FLI1: variants seen among roughly 807,000 people sequenced by gnomAD.
The protein encoded by FLI1 is Friend leukemia integration 1 transcription factor.
FLI1 carries 13 observed loss-of-function variants against 53.1 expected under a neutral mutation model. The ratio of observed to expected loss-of-function variants is 0.24; its 90% CI spans 0.16 to 0.39. The LOEUF is 0.39. Ranked by LOEUF, FLI1 falls within the 10% of genes least tolerant of loss-of-function variation. FLI1 has a pLI of 1.00. For synonymous variants in FLI1, 244 were observed against 236.7 expected, an observed-to-expected ratio of 1.03 and a Z score of -0.28; for missense variants, 424 against 600.5, an observed-to-expected ratio of 0.71 and a Z score of 3.07.
chr11:128,794,669 A>G (rs941058819), intron 5 of FLI1, among the ~76,000 whole-genome samples: 1 of 152,262 alleles, frequency 6.6e-6, no homozygotes, highest in Non-Finnish European at 1.5e-5. Context: ...TTCTCATGAA[A>G]TATCCTTGTT....
chr11:128,750,867 A>T (rs12270781), intron 1 of FLI1, among the ~76,000 whole-genome samples: 4,031 of 152,360 alleles, frequency 0.026, 176 homozygotes, highest in African/African-American at 0.092. Flanking sequence ...AAATTCGTGA[A>T]TGCACAGATG....
chr11:128,813,166 A>G lies in FLI1; in HGVS notation c.*2178A>G, dbSNP rs893357480. 6.3e-6 allele frequency: 1 copy of G among 158,962 alleles called. No homozygotes were observed. Among genetic ancestry groups the G allele is most frequent in the Non-Finnish European group, 1.4e-5 (1 of 72,068 alleles). 9.8% of individuals were successfully genotyped at this position (158,962 alleles called of 1,614,324 possible). On this transcript the variant is annotated 3_prime_UTR_variant, in exon 9 of 9. Coordinates refer to ENST00000527786, the MANE Select transcript of FLI1 (RefSeq NM_002017.5). ...TCAACATATGCACATTGATTTATAA[A>G]TCATATATACAAACTGTTACATTAT...
rs545102707 is a variant in FLI1 at position 128,768,560 on chromosome 11, A to G, written c.385+288A>G. Reference sequence around the variant, plus strand: ...AAAAATTAGCCAGGTGTGGTAGTGGACGCTTATATTCCCAGCTACTCAGGG... The same window carrying G: ...AAAAATTAGCCAGGTGTGGTAGTGGGCGCTTATATTCCCAGCTACTCAGGG... On this transcript the variant is annotated intron_variant, in intron 3 of 8. Coordinates refer to ENST00000527786, the MANE Select transcript of FLI1 (RefSeq NM_002017.5). 1.0e-4 allele frequency: 41 copies of G among 392,716 alleles called. No individual in the cohort carries two copies. The East Asian group carries it at 2.0e-3, about 19-fold the overall frequency. The allele number at this position is 392,716 out of a possible 1,614,324, so 24.3% of individuals were successfully genotyped here.
chr11:128,725,047 C>G (rs765062730), intron 1 of FLI1, among the ~76,000 whole-genome samples: 1 of 152,168 alleles, frequency 6.6e-6, no homozygotes, highest in Non-Finnish European at 1.5e-5. Flanking sequence ...GGCTGAGACT[C>G]TAGGTGTTCT....
intron 1 of FLI1, among the ~76,000 whole-genome samples, chr11:128,743,126 G>A (rs1940208343): frequency 6.6e-6 from 1 of 152,130 alleles, no homozygotes; most frequent in South Asian, 2.1e-4. Context: ...GGTGGCTCAT[G>A]CCCGTAATCC....
At chr11:128,727,621 G>C (rs1939536133) in intron 1 of FLI1, among the ~76,000 whole-genome samples, 1 of 152,252 alleles carries the variant, frequency 6.6e-6, no homozygotes, top group South Asian at 2.1e-4. Flanking sequence ...AGTCCCATCT[G>C]ATTGAGAAGG....
chr11:128,809,311 T>C (rs1008479323), intron 8 of FLI1, 107 bp downstream of exon 8: 1 of 915,652 alleles, frequency 1.1e-6, no homozygotes, highest in Non-Finnish European at 1.8e-6. Context: ...GGGAGTAACA[T>C]GCACGTCTTT....
upstream of FLI1, among the ~76,000 whole-genome samples, chr11:128,689,839 C>T (rs913616530): frequency 2.1e-4 from 32 of 152,178 alleles, no homozygotes; most frequent in Middle Eastern, 3.2e-3. Flanking sequence ...CGGAGACCCT[C>T]CTCCTCCCCA....
intron 5 of FLI1, among the ~76,000 whole-genome samples, chr11:128,789,862 A>G (rs1056942353): frequency 2.6e-5 from 4 of 152,344 alleles, no homozygotes; most frequent in Admixed American, 6.5e-5. Context: ...AGTAAATAAC[A>G]TCTCTCATGC....
intron 1 of FLI1, among the ~76,000 whole-genome samples, chr11:128,749,661 G>A (rs1940558000): frequency 6.6e-6 from 1 of 152,222 alleles, no homozygotes; most frequent in Non-Finnish European, 1.5e-5. Context: ...GCAAAGATAA[G>A]AAATATTCTG....
intron 4 of FLI1, 63 bp from the exon 5 acceptor site, chr11:128,781,895 A>G (rs1941926336): frequency 8.5e-6 from 11 of 1,293,170 alleles, no homozygotes; most frequent in Non-Finnish European, 1.2e-5. Context: ...TCCTCATGTC[A>G]TCTCCTACTC....
intron 6 of FLI1, 140 bp downstream of exon 6, chr11:128,805,571 T>C (rs1942760499): frequency 4.9e-6 from 3 of 608,852 alleles, no homozygotes; most frequent in African/African-American, 3.7e-5. Flanking sequence ...TTTGCCAATT[T>C]AGGGCCTTTC....
At chr11:128,731,052 G>A (rs187002682) in intron 1 of FLI1, among the ~76,000 whole-genome samples, 3 of 152,230 alleles carry the variant, frequency 2.0e-5, no homozygotes, top group East Asian at 1.9e-4. Context: ...TCCTCTCCCC[G>A]TGAAAGAAGT....
At chr11:128,752,956 G>A (rs778299748) in intron 1 of FLI1, among the ~76,000 whole-genome samples, 1 of 152,194 alleles carries the variant, frequency 6.6e-6, no homozygotes, top group Non-Finnish European at 1.5e-5. Context: ...AGGGGGTCGT[G>A]GAAAGCAAGC....
At chr11:128,753,440 C>G (rs74328394) in intron 1 of FLI1, among the ~76,000 whole-genome samples, 11,501 of 152,232 alleles carry the variant, frequency 0.076, 712 homozygotes, top group East Asian at 0.28. Flanking sequence ...TCATGAGAAA[C>G]GGAAGGAATG....
intron 2 of FLI1, among the ~76,000 whole-genome samples, chr11:128,761,685 C>G (rs1420569374): frequency 6.6e-6 from 1 of 152,178 alleles, no homozygotes; most frequent in Non-Finnish European, 1.5e-5. Flanking sequence ...TCAAGCACTT[C>G]AGGATACTGA....
intron 1 of FLI1, chr11:128,695,838 G>GT (rs1215492026): frequency 2.6e-5 from 4 of 152,180 alleles, no homozygotes; most frequent in African/African-American, 4.8e-5. Flanking sequence ...AAGTGTCTCT[G>GT]TATTTCTGGG....
intron 5 of FLI1, among the ~76,000 whole-genome samples, chr11:128,800,396 G>T (rs183873821): frequency 1.3e-5 from 2 of 152,170 alleles, no homozygotes; most frequent in African/African-American, 2.4e-5. Flanking sequence ...GGCTGATGTC[G>T]CTGTGTTGCT....
At chr11:128,765,497 C>T (rs539503989) in intron 2 of FLI1, among the ~76,000 whole-genome samples, 74 of 152,322 alleles carry the variant, frequency 4.9e-4, no homozygotes, top group African/African-American at 1.7e-3. Context: ...GGGAGGAGCC[C>T]GGGGAGTGTG....
Sources: gnomAD v4.1 joint callset for allele counts (sites outside exome capture counted in the v4.1 genomes callset) on GRCh38, gnomAD v4.1.1 for gene constraint, MANE v1.5 for transcripts, NCBI Gene and HGNC (gene_info 2026-07-23, HGNC 2026-07-21) for gene names.